FSTL4: variants seen among roughly 807,000 people sequenced by gnomAD.
FSTL4 encodes follistatin-related protein 4.
Under a neutral mutation model 78.2 loss-of-function variants are expected in FSTL4, and 28 were observed. The ratio of observed to expected loss-of-function variants is 0.36; its 90% CI spans 0.27 to 0.49. The LOEUF is 0.49. Ranked by LOEUF, FSTL4 falls within the 20% of genes least tolerant of loss-of-function variation. The pLI is 0.98. For missense variants in FSTL4, 922 were observed against 1,084.9 expected, an observed-to-expected ratio of 0.85 and a Z score of 2.11; for synonymous variants, 422 against 440.5, an observed-to-expected ratio of 0.96 and a Z score of 0.53.
At chr5:133,235,155 G>A (rs576647652) in intron 7 of FSTL4, among the ~76,000 whole-genome samples, 42 of 152,128 alleles carry the variant, frequency 2.8e-4, no homozygotes, top group African/African-American at 9.9e-4. Context: ...ACTCCAGAGG[G>A]CCCGGCCACA....
At chr5:133,386,955 A>G (rs572414351) in intron 4 of FSTL4, among the ~76,000 whole-genome samples, 120 of 152,306 alleles carry the variant, frequency 7.9e-4, no homozygotes, top group Non-Finnish European at 1.3e-3. Context: ...CTGGATATAC[A>G]ATATTTGATG....
chr5:133,788,277 A>T, the FSTL4 span, among the ~76,000 whole-genome samples: 5 of 152,198 alleles, frequency 3.3e-5, no homozygotes, highest in African/African-American at 1.2e-4. Context: ...TAGGACTTGG[A>T]CAAGTCACAG....
At chr5:133,828,743 C>T in the FSTL4 span, among the ~76,000 whole-genome samples, 1 of 152,184 alleles carries the variant, frequency 6.6e-6, no homozygotes, top group South Asian at 2.1e-4. Flanking sequence ...ACCAAAAGTA[C>T]AAAATAGATT....
At chr5:133,572,719 AT>A (rs527887333) in intron 2 of FSTL4, among the ~76,000 whole-genome samples, 9 of 152,150 alleles carry the variant, frequency 5.9e-5, no homozygotes, top group Admixed American at 4.6e-4. Flanking sequence ...TAGTAATATG[AT>A]TTTTTTAAAA....
chr5:133,367,421 T>G (rs749077549), intron 4 of FSTL4, among the ~76,000 whole-genome samples: 1 of 152,230 alleles, frequency 6.6e-6, no homozygotes, highest in African/African-American at 2.4e-5. Context: ...AAAACAGCCA[T>G]ATGGCAATGC....
At chr5:133,382,765 TACTCCCAGTTA>T (rs1293129350) in intron 4 of FSTL4, among the ~76,000 whole-genome samples, 1 of 152,172 alleles carries the variant, frequency 6.6e-6, no homozygotes, top group Non-Finnish European at 1.5e-5. Context: ...ATGTAATACA[TACTCCCAGTTA>T]ACTGAGAAAC....
chr5:133,672,658 T>C, the FSTL4 span, among the ~76,000 whole-genome samples: 3 of 152,206 alleles, frequency 2.0e-5, no homozygotes, highest in Admixed American at 2.0e-4. Flanking sequence ...ACACATTTTC[T>C]GTCCAGGGTT....
chr5:133,534,285 A>G (rs1759310097), intron 3 of FSTL4, among the ~76,000 whole-genome samples: 1 of 152,192 alleles, frequency 6.6e-6, no homozygotes, highest in Non-Finnish European at 1.5e-5. Flanking sequence ...AGTTTAAGAA[A>G]AGGTCAGTAA....
At chr5:133,831,666 G>A in the FSTL4 span, among the ~76,000 whole-genome samples, 149 of 152,346 alleles carry the variant, frequency 9.8e-4, no homozygotes, top group Admixed American at 4.1e-3. Flanking sequence ...AGAACCATAA[G>A]GAAGTAGGAA....
intron 6 of FSTL4, among the ~76,000 whole-genome samples, chr5:133,291,189 C>T (rs917283324): frequency 2.6e-5 from 4 of 152,092 alleles, no homozygotes; most frequent in East Asian, 1.9e-4. Flanking sequence ...AAGAGCGGGC[C>T]GTTGAGTCAC....
At chr5:133,599,783 C>T (rs1341234660) in intron 2 of FSTL4, among the ~76,000 whole-genome samples, 1 of 151,934 alleles carries the variant, frequency 6.6e-6, no homozygotes, top group Admixed American at 6.5e-5. Flanking sequence ...AATGGGGTGG[C>T]TCCAATGGCA....
At chr5:133,207,017 T>C (rs552475089) in intron 14 of FSTL4, among the ~76,000 whole-genome samples, 1 of 152,280 alleles carries the variant, frequency 6.6e-6, no homozygotes, top group Admixed American at 6.5e-5. Flanking sequence ...TCCAGGAATG[T>C]TTTCTTAATT....
At position 133,199,280 on chromosome 5, in the gene FSTL4, C is replaced by T. The variant is rs748430487; in HGVS notation, c.2344G>A (p.Ala782Thr). 51 of 1,613,680 alleles carry T rather than the reference C, an allele frequency of 3.2e-5. No homozygotes were observed. The East Asian group carries it at 4.0e-4, about 13-fold the overall frequency. ...CCCCCCCAGGGCTGAGCTGGCCCTGCGGGTGGCTCCTTTAAGTTCTTCAGC... is the reference window on the plus strand; with the variant it reads ...CCCCCCCAGGGCTGAGCTGGCCCTGTGGGTGGCTCCTTTAAGTTCTTCAGC... ...GMLKNLKEPP[A>T]GPAQPWGGTH... The change falls in exon 16 of 16, where the codon GCA (alanine) becomes ACA (threonine). Residue 782 changes from alanine to threonine, a missense_variant. By Grantham distance (58) the Ala-to-Thr change is moderately conservative. Transcript: ENST00000265342. This position sits in a 1 kb window ranked among gnomAD's most constrained non-coding sequence, Gnocchi z 4.4.
chr5:133,781,132 C>G, the FSTL4 span, among the ~76,000 whole-genome samples: 1 of 152,156 alleles, frequency 6.6e-6, no homozygotes, highest in Non-Finnish European at 1.5e-5. Context: ...GTGATCACCT[C>G]CAGCCCACTT....
At chr5:133,351,965 G>C (rs1754831843) in intron 4 of FSTL4, among the ~76,000 whole-genome samples, 1 of 129,434 alleles carries the variant, frequency 7.7e-6, no homozygotes, top group South Asian at 2.4e-4. Context: ...GTCTAGTATG[G>C]CTCTTTTTTT....
the FSTL4 span, among the ~76,000 whole-genome samples, chr5:133,814,769 T>C: frequency 1.3e-5 from 2 of 152,068 alleles, no homozygotes; most frequent in Non-Finnish European, 2.9e-5. Flanking sequence ...TTGAAACAAA[T>C]TGCAACAATG....
Position 133,577,932 on chromosome 5 carries a change from GT to G in FSTL4, c.127-10714del, listed in dbSNP as rs573537211. 1.7e-3 allele frequency among the ~76,000 whole-genome samples: 260 copies of G among 152,258 alleles called. 2 individuals are homozygous for G. The highest frequency in any genetic ancestry group is 3.3e-3 in the Non-Finnish European group (223 of 68,024). Reference sequence around the variant, plus strand: ...CAAACAAACAAACAAAACAGTGCAAGTCTCCAGCACTTTGGGGCTGAAACAG... The same window carrying G: ...CAAACAAACAAACAAAACAGTGCAAGCTCCAGCACTTTGGGGCTGAAACAG... On this transcript the variant is annotated intron_variant, in intron 2 of 15. Coordinates refer to ENST00000265342, the MANE Select transcript of FSTL4 (RefSeq NM_015082.2).
the FSTL4 span, among the ~76,000 whole-genome samples, chr5:133,716,634 T>C: frequency 6.6e-6 from 1 of 152,164 alleles, no homozygotes; most frequent in Non-Finnish European, 1.5e-5. Context: ...TTATTTTATC[T>C]TGACTAATAC....
At chr5:133,321,006 C>CAAAAAAA (rs3976680) in intron 4 of FSTL4, among the ~76,000 whole-genome samples, 2 of 90,440 alleles carry the variant, frequency 2.2e-5, no homozygotes, top group African/African-American at 9.1e-5. Flanking sequence ...GACTCCGTCT[C>CAAAAAAA]AAAAAAAAAA....
Sources: allele counts gnomAD v4.1 joint callset (sites outside exome capture counted in the v4.1 genomes callset), GRCh38; gene constraint gnomAD v4.1.1; non-coding constraint Gnocchi (gnomAD v3.1); transcripts MANE v1.5; gene names NCBI Gene and HGNC (gene_info 2026-07-23, HGNC 2026-07-21).